The following PSMD1 variants were observed in gnomAD, a reference collection of about 807,000 sequenced individuals.
The protein encoded by PSMD1 is proteasome 26S subunit, non-ATPase 1, also known as 26S proteasome non-ATPase regulatory subunit 1.
In PSMD1, 18 loss-of-function variants were observed where a neutral mutation model predicts 119.0. That is an observed-to-expected ratio of 0.15 (90% CI 0.10 to 0.22). PSMD1 has a LOEUF of 0.22. Ranked by LOEUF, PSMD1 falls within the 10% of genes least tolerant of loss-of-function variation. The pLI is 1.00. For missense variants in PSMD1, 702 were observed against 1,158.5 expected (o/e 0.61, Z 5.72); for synonymous variants, 374 against 396.6 (o/e 0.94, Z 0.68).
chr2:231,063,725 T>C (rs1037854287), intron 4 of PSMD1, among the ~76,000 whole-genome samples: 1 of 152,262 alleles, frequency 6.6e-6, no homozygotes, highest in Non-Finnish European at 1.5e-5. Flanking sequence ...GAAGAACTGA[T>C]GGCTTAAAAG....
intron 17 of PSMD1, among the ~76,000 whole-genome samples, chr2:231,144,791 G>C (rs1199534088): frequency 2.6e-5 from 4 of 151,996 alleles, no homozygotes; most frequent in African/African-American, 4.8e-5. Flanking sequence ...CTCGACTTTG[G>C]GCAAGTTATT....
intron 19 of PSMD1, among the ~76,000 whole-genome samples, chr2:231,156,832 T>G (rs764003038): frequency 1.3e-5 from 2 of 152,168 alleles, no homozygotes; most frequent in Non-Finnish European, 2.9e-5. Flanking sequence ...ATGAGAAAAT[T>G]TAAGATCTCC....
intron 16 of PSMD1, among the ~76,000 whole-genome samples, chr2:231,104,140 A>G (rs1468256006): frequency 6.6e-6 from 1 of 152,182 alleles, no homozygotes; most frequent in Non-Finnish European, 1.5e-5. Flanking sequence ...ATATTTTATA[A>G]CAATATAAAT....
At chr2:231,066,786 A>G (rs1442299577) in intron 4 of PSMD1, 120 bp from the exon 5 acceptor site, 3 of 757,036 alleles carry the variant, frequency 4.0e-6, no homozygotes, top group Non-Finnish European at 6.2e-6. Flanking sequence ...TAGCATTTCA[A>G]AATTTGCTTA....
intron 16 of PSMD1, among the ~76,000 whole-genome samples, chr2:231,119,904 C>A (rs1052798299): frequency 6.7e-6 from 1 of 148,516 alleles, no homozygotes; most frequent in Non-Finnish European, 1.5e-5. Flanking sequence ...TATAAATAAA[C>A]CAATAACACC....
chr2:231,132,505 A>T (rs918594292), intron 16 of PSMD1, among the ~76,000 whole-genome samples: 1 of 152,190 alleles, frequency 6.6e-6, no homozygotes, highest in African/African-American at 2.4e-5. Flanking sequence ...TTGGACATCA[A>T]ATGTTAGTAG....
chr2:231,153,805 C>T lies in PSMD1; in HGVS notation c.2218+139C>T, dbSNP rs962335451. ...GAGAAAATTTGGAGCCTGCAGTTCA[C>T]AGAGATCATGTACATTTAAGAGTAC... On this transcript the variant is annotated intron_variant, in intron 19 of 24. Transcript: ENST00000308696. 1.2e-4 allele frequency: 77 copies of T among 627,668 alleles called. 2 individuals are homozygous for T. In the South Asian group the frequency reaches 1.5e-3, roughly 12 times the overall value. The allele number at this position is 627,668 out of a possible 1,614,324, so 38.9% of individuals were successfully genotyped here. A position where few individuals can be genotyped will look rare whatever the true frequency, so the allele number is the denominator to read the frequency against.
At chr2:231,099,885 C>A (rs1373656806) in intron 16 of PSMD1, among the ~76,000 whole-genome samples, 2 of 152,198 alleles carry the variant, frequency 1.3e-5, no homozygotes, top group Non-Finnish European at 2.9e-5. Context: ...GTCCTGACCA[C>A]CAAGGAAATA....
chr2:231,137,938 C>G (rs1054479548), intron 16 of PSMD1, among the ~76,000 whole-genome samples: 1 of 152,144 alleles, frequency 6.6e-6, no homozygotes, highest in East Asian at 1.9e-4. Context: ...TGCACAAAAT[C>G]ATTAGCCCAC....
In PSMD1 at chr2:231,104,327, C is replaced by T. The variant is rs571512997; in HGVS notation, c.1883+17146C>T. Among the ~76,000 whole-genome samples the T allele has an allele frequency of 4.9e-4, 74 of 152,088 alleles. 1 individual carries two copies. The highest frequency in any genetic ancestry group is 6.2e-4 in the South Asian group (3 of 4,822). ...CCCAGTTTCAGCAGCAGATGTCTCC[C>T]GTGAGCTGCTTAGGTTTTGCTGAGT... is the stretch of plus-strand genomic sequence containing the variant. On this transcript the variant is annotated intron_variant, in intron 16 of 24. Coordinates refer to ENST00000308696, the MANE Select transcript of PSMD1 (RefSeq NM_002807.4).
At chr2:231,089,609 A>G (rs911757996) in intron 16 of PSMD1, among the ~76,000 whole-genome samples, 1 of 151,976 alleles carries the variant, frequency 6.6e-6, no homozygotes, top group Non-Finnish European at 1.5e-5. Flanking sequence ...ATATATATAT[A>G]TATATGGGAG....
chr2:231,128,532 CTT>C (rs1695780578), intron 16 of PSMD1, among the ~76,000 whole-genome samples: 2 of 152,220 alleles, frequency 1.3e-5, no homozygotes, highest in South Asian at 2.1e-4. Context: ...TAACGAAAGA[CTT>C]TGACAAATCA....
At chr2:231,143,288 G>A (rs1480595893) in intron 17 of PSMD1, among the ~76,000 whole-genome samples, 1 of 152,020 alleles carries the variant, frequency 6.6e-6, no homozygotes, top group African/African-American at 2.4e-5. Flanking sequence ...AGAGTGCAGT[G>A]GCGCTATCTC....
intron 19 of PSMD1, among the ~76,000 whole-genome samples, chr2:231,159,349 A>G (rs1696581115): frequency 6.6e-6 from 1 of 152,246 alleles, no homozygotes. Context: ...GATTTTGGAC[A>G]AAATCCATAG....
chr2:231,058,683 C>G (rs1294191474), intron 1 of PSMD1, among the ~76,000 whole-genome samples: 3 of 152,098 alleles, frequency 2.0e-5, no homozygotes, highest in Non-Finnish European at 4.4e-5. Context: ...TGATCTGATT[C>G]CCGCCTTGTC....
intron 16 of PSMD1, chr2:231,123,752 AAG>A (rs745877970): frequency 3.1e-6 from 5 of 1,613,500 alleles, no homozygotes; most frequent in South Asian, 1.1e-5. Flanking sequence ...GACACTCTGT[AAG>A]AGAGAGCCAT....
In PSMD1 at chr2:231,076,149, A is replaced by C. The variant is rs78733927; in HGVS notation, c.942+578A>C. Among the ~76,000 whole-genome samples, 513 of 152,368 alleles carry C rather than the reference A, an allele frequency of 3.4e-3. 3 individuals carry two copies. Among genetic ancestry groups the C allele is most frequent in the African/African-American group, 0.012 (480 of 41,590 alleles). ...GTTATTTCTGTCTGAAATAACTTCAAATTACCTATCACAGGGTGAAAAAAA... is the reference window on the plus strand; with the variant it reads ...GTTATTTCTGTCTGAAATAACTTCACATTACCTATCACAGGGTGAAAAAAA... On this transcript the variant is annotated intron_variant, in intron 8 of 24. Transcript: ENST00000308696.
chr2:231,072,158 A>G, intron 6 of PSMD1, 31 bp from the exon 7 acceptor site: 1 of 1,544,130 alleles, frequency 6.5e-7, no homozygotes, highest in South Asian at 1.1e-5. Flanking sequence ...GTTTTTAATT[A>G]TTGAATAATT....
At chr2:231,168,257 A>C (rs911967583) in intron 23 of PSMD1, among the ~76,000 whole-genome samples, 1 of 152,240 alleles carries the variant, frequency 6.6e-6, no homozygotes, top group Non-Finnish European at 1.5e-5. Context: ...AGAATTTGGC[A>C]GTTCCTCAAA....
Sources: allele counts gnomAD v4.1 joint callset (sites outside exome capture counted in the v4.1 genomes callset), GRCh38; gene constraint gnomAD v4.1.1; transcripts MANE v1.5; gene names NCBI Gene and HGNC (gene_info 2026-07-23, HGNC 2026-07-21).